PDE4D: variants seen among roughly 807,000 people sequenced by gnomAD.
PDE4D encodes 3',5'-cyclic-AMP phosphodiesterase 4D.
PDE4D carries 24 observed loss-of-function variants against 87.4 expected under a neutral mutation model. That is an observed-to-expected ratio of 0.27 (90% CI 0.20 to 0.39). The LOEUF is 0.39. Ranked by LOEUF, PDE4D falls within the 10% of genes least tolerant of loss-of-function variation. PDE4D has a pLI of 1.00. For missense variants in PDE4D, 714 were observed against 1,041.0 expected, an observed-to-expected ratio of 0.69 and a Z score of 4.32; for synonymous variants, 384 against 383.2, an observed-to-expected ratio of 1.00 and a Z score of -0.02.
intron 2 of PDE4D, among the ~76,000 whole-genome samples, chr5:60,001,883 G>GAAAAAAAA: frequency 7.4e-6 from 1 of 134,412 alleles, no homozygotes; most frequent in Non-Finnish European, 1.6e-5. Flanking sequence ...AATTACAAAG[G>GAAAAAAAA]AAAAAAAAAA....
At chr5:60,246,610 T>C (rs1173587489) in intron 1 of PDE4D, among the ~76,000 whole-genome samples, 1 of 151,708 alleles carries the variant, frequency 6.6e-6, no homozygotes, top group Non-Finnish European at 1.5e-5. Flanking sequence ...AGTTTTCACC[T>C]TTATAAAGTG....
At chr5:60,115,716 G>A (rs1439348511) in intron 2 of PDE4D, among the ~76,000 whole-genome samples, 1 of 152,024 alleles carries the variant, frequency 6.6e-6, no homozygotes, top group African/African-American at 2.4e-5. Context: ...CCAGATTCAG[G>A]CTGTTTAGTC....
chr5:59,993,029 G>C (rs1413361982), intron 2 of PDE4D, among the ~76,000 whole-genome samples: 1 of 152,132 alleles, frequency 6.6e-6, no homozygotes, highest in East Asian at 1.9e-4. Flanking sequence ...TTATGTTATT[G>C]TTAGAAAATG....
rs1277120028 is a variant in PDE4D, at chr5:59,396,481, T to C, written c.456-180513A>G. Among the ~76,000 whole-genome samples, 4 of 89,282 alleles carry C rather than the reference T, an allele frequency of 4.5e-5. 2 individuals carry two copies. The highest frequency in any genetic ancestry group is 8.7e-5 in the Non-Finnish European group (4 of 45,786). 58.6% of individuals were successfully genotyped at this position (89,282 alleles called of 152,430 possible). On this transcript the variant is annotated intron_variant, in intron 1 of 14. Transcript: ENST00000340635. ...CCCAGAATTTCATATCCAGCCAAACTAAGCTTCATAAGTGAAGGAGAAATA... is the reference window on the plus strand; with the variant it reads ...CCCAGAATTTCATATCCAGCCAAACCAAGCTTCATAAGTGAAGGAGAAATA...
chr5:59,785,308 T>A (rs998833289), intron 1 of PDE4D, among the ~76,000 whole-genome samples: 3 of 152,234 alleles, frequency 2.0e-5, no homozygotes, highest in African/African-American at 7.2e-5. Context: ...TCATTTGTGA[T>A]TATAAGAAAT....
chr5:59,858,570 C>G (rs1018848671), intron 1 of PDE4D, among the ~76,000 whole-genome samples: 1 of 151,926 alleles, frequency 6.6e-6, no homozygotes, highest in African/African-American at 2.4e-5. Flanking sequence ...CTCATCAGTC[C>G]CAGAAGAAAG....
At chr5:59,507,843 A>G (rs759732921) in intron 1 of PDE4D, among the ~76,000 whole-genome samples, 31 of 152,006 alleles carry the variant, frequency 2.0e-4, no homozygotes, top group Non-Finnish European at 3.4e-4. Flanking sequence ...TGAAAGGTAC[A>G]CAAATGGGGG....
At chr5:60,315,941 G>A (rs1370077773) in intron 1 of PDE4D, among the ~76,000 whole-genome samples, 4 of 152,070 alleles carry the variant, frequency 2.6e-5, no homozygotes, top group Non-Finnish European at 5.9e-5. Flanking sequence ...GCTTTCTTCT[G>A]TTGGCTTAGG....
At chr5:59,949,760 C>T (rs1169379927) in intron 3 of PDE4D, among the ~76,000 whole-genome samples, 1 of 152,166 alleles carries the variant, frequency 6.6e-6, no homozygotes, top group East Asian at 1.9e-4. Flanking sequence ...TCTCTAAATC[C>T]AGCAAATCTG....
chr5:59,044,752 T>C lies in PDE4D; in HGVS notation c.809-5781A>G, dbSNP rs538700487. On this transcript the variant is annotated intron_variant, in intron 5 of 14. Coordinates refer to ENST00000340635, the MANE Select transcript of PDE4D (RefSeq NM_001104631.2). ...ATTATTGTTTTGAAGTATTTTAAAA[T>C]TGTATAAAATATATAAAACTTTATT... Among the ~76,000 whole-genome samples the C allele has an allele frequency of 1.7e-4, 26 of 152,342 alleles. No individual in the cohort carries two copies. In the South Asian group the frequency reaches 5.4e-3, roughly 32 times the overall value.
At chr5:60,218,672 A>G (rs1234601232) in intron 1 of PDE4D, among the ~76,000 whole-genome samples, 3 of 152,092 alleles carry the variant, frequency 2.0e-5, no homozygotes, top group East Asian at 1.9e-4. Context: ...TTCTTCCTAG[A>G]TAAGTTGAGC....
intron 2 of PDE4D, among the ~76,000 whole-genome samples, chr5:59,205,220 C>T (rs550246107): frequency 2.0e-5 from 3 of 152,066 alleles, no homozygotes; most frequent in South Asian, 2.1e-4. Context: ...TTAAACTATA[C>T]GTATTCCTTT....
At chr5:60,118,561 TTGTG>T (rs34503506) in intron 2 of PDE4D, among the ~76,000 whole-genome samples, 154 of 144,286 alleles carry the variant, frequency 1.1e-3, no homozygotes, top group Admixed American at 6.6e-3. Flanking sequence ...TGGATGTAGG[TTGTG>T]TGTGTGTGTG....
At chr5:60,235,800 G>A (rs183100525) in intron 1 of PDE4D, among the ~76,000 whole-genome samples, 23 of 151,730 alleles carry the variant, frequency 1.5e-4, no homozygotes, top group African/African-American at 2.4e-4. Flanking sequence ...TCCTTATTAC[G>A]TTATTGATTT....
chr5:60,423,930 A>T (rs973166589), intron 1 of PDE4D, among the ~76,000 whole-genome samples: 1 of 152,244 alleles, frequency 6.6e-6, no homozygotes, highest in Non-Finnish European at 1.5e-5. Context: ...TAAACTAGAA[A>T]ATCTAGAAGA....
chr5:59,600,196 T>C (rs1827294128), intron 1 of PDE4D, among the ~76,000 whole-genome samples: 1 of 152,220 alleles, frequency 6.6e-6, no homozygotes, highest in South Asian at 2.1e-4. Context: ...AGGCCAGGTC[T>C]CTCTTTGAGC....
chr5:59,659,726 T>A (rs1017471259), intron 1 of PDE4D, among the ~76,000 whole-genome samples: 4 of 152,210 alleles, frequency 2.6e-5, no homozygotes, highest in African/African-American at 9.6e-5. Context: ...ATCATAATGT[T>A]CCCTTGCCCA....
At chr5:59,132,237 T>G (rs1776394567) in intron 5 of PDE4D, among the ~76,000 whole-genome samples, 1 of 152,174 alleles carries the variant, frequency 6.6e-6, no homozygotes, top group African/African-American at 2.4e-5. Context: ...TAAAATTAAC[T>G]TTTCTTTGCA....
Position 58,991,928 on chromosome 5 carries a change from G to C in PDE4D, c.1092C>G (p.Ile364Met). ...KEKKKRPMSQ[I>M]SGVKKLMHSS... is the part of the protein sequence containing the mutation. Reference sequence around the variant, plus strand: ...TGTGCATCAATTTCTTGACTCCACTGATCTGAGACATTGGTCTTTTCTTTT... The same window carrying C: ...TGTGCATCAATTTCTTGACTCCACTCATCTGAGACATTGGTCTTTTCTTTT... The change falls in exon 8 of 15, where the codon ATC (isoleucine) becomes ATG (methionine). Residue 364 changes from isoleucine to methionine, a missense_variant. Physicochemically the swap from Ile to Met is conservative, Grantham distance 10. Around this residue, in one of 7 missense-constraint regions of PDE4D, gnomAD observed 141 missense variants for 204.3 expected, o/e 0.69. Coordinates refer to ENST00000340635, the MANE Select transcript of PDE4D (RefSeq NM_001104631.2). The C allele has an allele frequency of 6.2e-7, 1 of 1,605,250 alleles. No homozygotes were observed. Among genetic ancestry groups the C allele is most frequent in the Non-Finnish European group, 8.5e-7 (1 of 1,175,222 alleles).
Sources: gnomAD v4.1 joint callset for allele counts (sites outside exome capture counted in the v4.1 genomes callset) on GRCh38, gnomAD v4.1.1 for gene constraint, gnomAD v4.1.1 regional missense constraint, MANE v1.5 for transcripts, NCBI Gene and HGNC (gene_info 2026-07-23, HGNC 2026-07-21) for gene names.